Variants in CCSER1 observed in about 807,000 individuals in gnomAD.
The protein encoded by CCSER1 is serine-rich coiled-coil domain-containing protein 1.
Under a neutral mutation model 82.0 loss-of-function variants are expected in CCSER1, and 41 were observed. That is an observed-to-expected ratio of 0.50 (90% confidence interval 0.39 to 0.65). The LOEUF is 0.65. Ranked by LOEUF, CCSER1 falls within the 30% of genes least tolerant of loss-of-function variation. The pLI, the probability that CCSER1 is intolerant of heterozygous loss-of-function variation, is 0.00. For missense variants in CCSER1, 1,119 were observed against 1,064.2 expected (o/e 1.05, Z -0.72); for synonymous variants, 414 against 383.9 (o/e 1.08, Z -0.92).
chr4:90,481,478 G>T (rs1440909716), intron 5 of CCSER1, among the ~76,000 whole-genome samples: 1 of 152,128 alleles, frequency 6.6e-6, no homozygotes, highest in Non-Finnish European at 1.5e-5. Context: ...TCCAGTTTTT[G>T]TCCATTCAGT....
chr4:91,078,742 T>G (rs1188755551), intron 9 of CCSER1, among the ~76,000 whole-genome samples: 1 of 152,168 alleles, frequency 6.6e-6, no homozygotes, highest in African/African-American at 2.4e-5. Flanking sequence ...TTAAATGACC[T>G]GATGGAGCTG....
rs141749852 is a variant in CCSER1, at chr4:90,257,504, C to CAG, written c.-41-50729_-41-50728dup. On this transcript the variant is annotated intron_variant, in intron 1 of 10. Coordinates refer to ENST00000509176, the MANE Select transcript of CCSER1 (RefSeq NM_001145065.2). ...GCATAGCATGCTCCTTGTGTTAGTC[C>CAG]AGAGAGAGAGAGTGCCAATAGGATA... Among the ~76,000 whole-genome samples the CAG allele has an allele frequency of 7.1e-3, 1,076 of 150,794 alleles. 9 individuals are homozygous for CAG. The highest frequency in any genetic ancestry group is 0.025 in the African/African-American group (1,032 of 40,940).
At chr4:91,441,229 C>G (rs946925464) in intron 10 of CCSER1, among the ~76,000 whole-genome samples, 1 of 151,664 alleles carries the variant, frequency 6.6e-6, no homozygotes, top group Admixed American at 6.6e-5. Flanking sequence ...CAATAAAATA[C>G]TGGCAAACCG....
chr4:91,385,207 A>T (rs1256007284), intron 10 of CCSER1, among the ~76,000 whole-genome samples: 1 of 152,060 alleles, frequency 6.6e-6, no homozygotes, highest in Non-Finnish European at 1.5e-5. Context: ...AAACTATGGT[A>T]AAAACATACA....
chr4:90,379,313 T>C lies in CCSER1; in HGVS notation c.1510-20723T>C, dbSNP rs531837864. ...GACAGTATTAAAGGTTTATACGGGA[T>C]GTTTTTAAGGTCAAAACCTGGCCAC... On this transcript the variant is annotated intron_variant, in intron 3 of 10. Transcript: ENST00000509176. Among the ~76,000 whole-genome samples, 42 of 152,340 alleles carry C rather than the reference T, an allele frequency of 2.8e-4. 1 individual carries two copies. Among genetic ancestry groups the C allele is most frequent in the African/African-American group, 9.4e-4 (39 of 41,582 alleles).
chr4:91,084,732 T>A (rs1028242231), intron 9 of CCSER1, among the ~76,000 whole-genome samples: 3 of 152,126 alleles, frequency 2.0e-5, no homozygotes, highest in African/African-American at 7.2e-5. Flanking sequence ...ACCACCTATA[T>A]ACAAAAATAA....
chr4:90,252,981 G>A (rs749637289), intron 1 of CCSER1, among the ~76,000 whole-genome samples: 2 of 151,718 alleles, frequency 1.3e-5, no homozygotes, highest in African/African-American at 4.8e-5. Flanking sequence ...TTTGAATTTT[G>A]TTGTTTTTAT....
At chr4:90,978,315 T>G (rs977185001) in intron 9 of CCSER1, among the ~76,000 whole-genome samples, 3 of 151,662 alleles carry the variant, frequency 2.0e-5, no homozygotes, top group Non-Finnish European at 4.4e-5. Context: ...AAAGAATTAA[T>G]GTACACAAAG....
At chr4:91,510,415 T>A (rs1248351582) in intron 10 of CCSER1, among the ~76,000 whole-genome samples, 1 of 152,220 alleles carries the variant, frequency 6.6e-6, no homozygotes, top group African/African-American at 2.4e-5. Flanking sequence ...TTCAAATTGC[T>A]TTCCACGGTG....
intron 5 of CCSER1, among the ~76,000 whole-genome samples, chr4:90,483,162 A>G (rs1000498619): frequency 3.9e-5 from 6 of 152,100 alleles, no homozygotes; most frequent in African/African-American, 7.2e-5. Context: ...TTGTTGGTTT[A>G]AAGTCTGTTT....
At chr4:91,254,068 A>C (rs923328618) in intron 10 of CCSER1, among the ~76,000 whole-genome samples, 1 of 152,170 alleles carries the variant, frequency 6.6e-6, no homozygotes, top group Admixed American at 6.6e-5. Flanking sequence ...TATCAGTAAC[A>C]GACTATCAAA....
chr4:91,592,923 T>C (rs1578876314), intron 10 of CCSER1, among the ~76,000 whole-genome samples: 1 of 152,258 alleles, frequency 6.6e-6, no homozygotes, highest in South Asian at 2.1e-4. Flanking sequence ...CAAGCAATTA[T>C]AACAGAATAA....
chr4:91,163,816 T>C (rs991734637), intron 10 of CCSER1, among the ~76,000 whole-genome samples: 2 of 152,136 alleles, frequency 1.3e-5, no homozygotes, highest in Non-Finnish European at 2.9e-5. Flanking sequence ...ATTTTGAGCC[T>C]ATGTGTGTCT....
intron 8 of CCSER1, among the ~76,000 whole-genome samples, chr4:90,860,532 T>C (rs994734864): frequency 6.6e-6 from 1 of 151,840 alleles, no homozygotes; most frequent in Admixed American, 6.6e-5. Flanking sequence ...CTCCTCGGTC[T>C]ATACCCAAGA....
intron 9 of CCSER1, among the ~76,000 whole-genome samples, chr4:90,936,613 A>G (rs2150314476): frequency 6.6e-6 from 1 of 152,240 alleles, no homozygotes; most frequent in African/African-American, 2.4e-5. Flanking sequence ...CCTTCATTTT[A>G]CTATTTTAAA....
At chr4:90,902,599 G>C (rs1417766685) in intron 8 of CCSER1, among the ~76,000 whole-genome samples, 2 of 151,984 alleles carry the variant, frequency 1.3e-5, no homozygotes, top group Admixed American at 1.3e-4. Flanking sequence ...CTAGCTTCTG[G>C]CTTTTTCAGA....
intron 10 of CCSER1, among the ~76,000 whole-genome samples, chr4:91,316,221 TA>T (rs996218181): frequency 6.6e-6 from 1 of 152,004 alleles, no homozygotes; most frequent in Non-Finnish European, 1.5e-5. Context: ...ATGCCTTTAT[TA>T]GCAGCGTGAG....
At chr4:91,501,309 TG>T (rs1759200015) in intron 10 of CCSER1, among the ~76,000 whole-genome samples, 1 of 151,946 alleles carries the variant, frequency 6.6e-6, no homozygotes, top group Non-Finnish European at 1.5e-5. Flanking sequence ...ATGTTGCTTA[TG>T]TTCACAACAT....
intron 4 of CCSER1, among the ~76,000 whole-genome samples, chr4:90,446,482 A>C (rs1348289079): frequency 6.6e-6 from 1 of 152,178 alleles, no homozygotes; most frequent in Non-Finnish European, 1.5e-5. Context: ...AAAGATTAAT[A>C]ATTAATTTGA....
Sources: gnomAD v4.1 joint callset for allele counts (sites outside exome capture counted in the v4.1 genomes callset) on GRCh38, gnomAD v4.1.1 for gene constraint, MANE v1.5 for transcripts, NCBI Gene and HGNC (gene_info 2026-07-23, HGNC 2026-07-21) for gene names.